Variants in NEK6 observed in about 807,000 individuals in gnomAD.
NEK6 encodes the protein NIMA related kinase 6, also known as serine/threonine-protein kinase Nek6.
NEK6 carries 27 observed loss-of-function variants against 43.5 expected under a neutral mutation model. The ratio of observed to expected loss-of-function variants is 0.62; its 90% CI spans 0.46 to 0.86. The LOEUF (loss-of-function observed/expected upper bound fraction) is 0.86, where lower values mean the gene tolerates loss of function less well. Among genes scored for constraint, NEK6 ranks in the 40% least tolerant of loss-of-function variants. The probability of loss-of-function intolerance (pLI) is 0.00; values close to 1 mark genes in which losing one functional copy is unlikely to be tolerated. For missense variants in NEK6, 318 were observed against 414.4 expected (o/e 0.77, Z 2.02); for synonymous variants, 167 against 164.1 (o/e 1.02, Z -0.14).
chr9:124,291,944 A>G, intron 1 of NEK6: 4 of 986,046 alleles, frequency 4.1e-6, no homozygotes, highest in African/African-American at 1.7e-5. Flanking sequence ...GGGAAGTCCC[A>G]TGCGGAGACA....
chr9:124,327,321 T>G lies in NEK6; in HGVS notation c.515-17T>G, dbSNP rs1257873653. 6.2e-7 allele frequency: 1 copy of G among 1,610,136 alleles called. No individual in the cohort carries two copies. On this transcript the variant is annotated splice_polypyrimidine_tract_variant and intron_variant, in intron 6 of 9. Transcript: ENST00000320246. The stretch of plus-strand genomic sequence containing the variant: ...AGCCTCCTACCCCACACCAATCTCC[T>G]TCTCCTCGCCCTGCAGACATCAAGC...
At chr9:124,276,761 T>C (rs1044280503) in intron 1 of NEK6, among the ~76,000 whole-genome samples, 3 of 152,232 alleles carry the variant, frequency 2.0e-5, no homozygotes, top group Non-Finnish European at 2.9e-5. Context: ...ACCCTTCAGA[T>C]CAGTAGGGGT....
intron 5 of NEK6, among the ~76,000 whole-genome samples, chr9:124,325,060 A>G (rs1018975904): frequency 3.3e-5 from 5 of 152,142 alleles, no homozygotes; most frequent in African/African-American, 1.2e-4. Flanking sequence ...CTGTAATCCC[A>G]GCTACTCGGG....
intron 1 of NEK6, among the ~76,000 whole-genome samples, chr9:124,273,676 G>T (rs949228745): frequency 6.6e-6 from 1 of 152,258 alleles, no homozygotes; most frequent in Non-Finnish European, 1.5e-5. Context: ...TCACGAAATG[G>T]TGAGCTGGCA....
chr9:124,304,589 G>A (rs931820952), intron 2 of NEK6, among the ~76,000 whole-genome samples: 2 of 152,222 alleles, frequency 1.3e-5, no homozygotes, highest in African/African-American at 4.8e-5. Flanking sequence ...GAAATGGTAT[G>A]TCATGGATCT....
At chr9:124,319,420 G>T (rs1326945403) in intron 4 of NEK6, among the ~76,000 whole-genome samples, 1 of 152,034 alleles carries the variant, frequency 6.6e-6, no homozygotes, top group African/African-American at 2.4e-5. Context: ...TTACTCTGTT[G>T]ATCATTTCAT....
At chr9:124,273,307 A>G (rs1370398338) in intron 1 of NEK6, among the ~76,000 whole-genome samples, 1 of 152,170 alleles carries the variant, frequency 6.6e-6, no homozygotes, top group East Asian at 1.9e-4. Flanking sequence ...AACATCCTGC[A>G]TTTGGATAAA....
In NEK6 at chr9:124,292,799, A is replaced by G. The variant is rs201705665; in HGVS notation, c.-29-9137A>G. The stretch of plus-strand genomic sequence containing the variant: ...CTCTCCTCTGCCAACTGCTGGGGCC[A>G]TGGAGAGAGTGGTTTAGTCTCTACC... On this transcript the variant is annotated intron_variant, in intron 1 of 9. Coordinates refer to ENST00000320246, the MANE Select transcript of NEK6 (RefSeq NM_014397.6). The G allele has an allele frequency of 5.7e-6, 8 of 1,393,386 alleles. No homozygotes were observed. In the East Asian group the frequency reaches 7.6e-5, roughly 13 times the overall value. 86.3% of individuals were successfully genotyped at this position (1,393,386 alleles called of 1,614,324 possible).
chr9:124,346,002 C>G (rs754897846), intron 8 of NEK6, among the ~76,000 whole-genome samples: 9 of 152,202 alleles, frequency 5.9e-5, no homozygotes, highest in Admixed American at 3.9e-4. Context: ...TGGCCAGACC[C>G]TCCCTGCAGC....
At chr9:124,333,452 A>G (rs1162948872) in intron 7 of NEK6, among the ~76,000 whole-genome samples, 1 of 152,180 alleles carries the variant, frequency 6.6e-6, no homozygotes, top group Admixed American at 6.5e-5. Context: ...ACCTGCCGGG[A>G]GGCAGGGACC....
chr9:124,330,530 A>G (rs553591069), intron 7 of NEK6, among the ~76,000 whole-genome samples: 41 of 152,250 alleles, frequency 2.7e-4, no homozygotes, highest in African/African-American at 9.4e-4. Flanking sequence ...ACCCAGGCCC[A>G]TGCAGGGCCC....
chr9:124,309,819 C>G (rs1004227442), intron 2 of NEK6, among the ~76,000 whole-genome samples: 8 of 152,240 alleles, frequency 5.3e-5, no homozygotes, highest in Non-Finnish European at 7.3e-5. Flanking sequence ...GTCTGAGTCA[C>G]AGAGTCCCAC....
Position 124,326,599 on chromosome 9 carries a change from G to A in NEK6, c.514+161G>A, listed in dbSNP as rs548467711. 8.5e-5 allele frequency among the ~76,000 whole-genome samples: 13 copies of A among 152,250 alleles called. 1 individual carries two copies. Among genetic ancestry groups the A allele is most frequent in the Admixed American group, 5.2e-4 (8 of 15,298 alleles). ...GCCCAGCAACCGCGCACACACACGC[G>A]CCCGGGTCAGGAACCTCCCCGAGGT... is the stretch of plus-strand genomic sequence containing the variant. On this transcript the variant is annotated intron_variant, in intron 6 of 9. Coordinates refer to ENST00000320246, the MANE Select transcript of NEK6 (RefSeq NM_014397.6). This position sits in a 1 kb window ranked among gnomAD's most constrained non-coding sequence, Gnocchi z 4.5.
chr9:124,287,929 C>A (rs1832234666), intron 1 of NEK6, among the ~76,000 whole-genome samples: 1 of 152,224 alleles, frequency 6.6e-6, no homozygotes. Context: ...TAGGGTCTCT[C>A]ACCAGCCACG....
chr9:124,304,311 T>C (rs1282471814), intron 2 of NEK6, among the ~76,000 whole-genome samples: 1 of 152,216 alleles, frequency 6.6e-6, no homozygotes, highest in African/African-American at 2.4e-5. Context: ...TTTTCCTTGA[T>C]AGCAGGAGGC....
At chr9:124,263,554 C>T (rs1324671774) in intron 1 of NEK6, among the ~76,000 whole-genome samples, 1 of 152,222 alleles carries the variant, frequency 6.6e-6, no homozygotes, top group Non-Finnish European at 1.5e-5. Flanking sequence ...GCTTGATGCT[C>T]ATTCCCCAAG....
intron 1 of NEK6, among the ~76,000 whole-genome samples, chr9:124,269,380 T>C (rs559302764): frequency 3.9e-4 from 59 of 152,032 alleles, no homozygotes; most frequent in African/African-American, 1.3e-3. Flanking sequence ...AACTGGACTT[T>C]TTTTTTTTTT....
intron 1 of NEK6, among the ~76,000 whole-genome samples, chr9:124,296,306 C>A (rs1267484804): frequency 1.3e-5 from 2 of 152,206 alleles, no homozygotes; most frequent in Non-Finnish European, 2.9e-5. Context: ...GGAAAACAAC[C>A]TGTGAAGCTG....
Position 124,347,800 on chromosome 9 carries a change from C to A in NEK6, c.809C>A (p.Pro270His). The change falls in exon 9 of 10, where the codon CCC (proline) becomes CAC (histidine). Residue 270 changes from proline (P) to histidine (H), a missense_variant. Transcript: ENST00000320246. ...GAGCAGTGTGACTACCCCCCACTCC[C>A]CGGGGAGCACTACTCCGAGAAGGTG... is the stretch of plus-strand genomic sequence containing the variant. ...KIEQCDYPPL[P>H]GEHYSEKLRE... The A allele has an allele frequency of 6.2e-7, 1 of 1,611,618 alleles. No individual in the cohort carries two copies.
Sources: gnomAD v4.1 joint callset for allele counts (sites outside exome capture counted in the v4.1 genomes callset) on GRCh38, gnomAD v4.1.1 for gene constraint, Gnocchi (gnomAD v3.1) non-coding constraint, MANE v1.5 for transcripts, NCBI Gene and HGNC (gene_info 2026-07-23, HGNC 2026-07-21) for gene names.